The following SLC6A5 variants were observed in gnomAD, a reference collection of about 807,000 sequenced individuals.
The protein encoded by SLC6A5 is sodium- and chloride-dependent glycine transporter 2.
In SLC6A5, 58 loss-of-function variants were observed where a neutral mutation model predicts 90.5. That is an observed-to-expected ratio of 0.64 (90% CI 0.52 to 0.80). The LOEUF (loss-of-function observed/expected upper bound fraction) is 0.80. Among genes scored for constraint, SLC6A5 ranks in the 30% least tolerant of loss-of-function variants. The probability of loss-of-function intolerance (pLI) is 0.00; values close to 1 mark genes in which losing one functional copy is unlikely to be tolerated. For missense variants in SLC6A5, 1,015 were observed against 1,017.6 expected (o/e 1.00, Z 0.03); for synonymous variants, 427 against 401.4 (o/e 1.06, Z -0.76).
chr11:20,628,400 A>G (rs988372284), intron 9 of SLC6A5, among the ~76,000 whole-genome samples: 1 of 152,160 alleles, frequency 6.6e-6, no homozygotes, highest in African/African-American at 2.4e-5. Flanking sequence ...TAGTCTGTGG[A>G]TACAATGGAC....
intron 12 of SLC6A5, 48 bp from the exon 13 acceptor site, chr11:20,638,411 C>T: frequency 8.5e-7 from 1 of 1,180,056 alleles, no homozygotes; most frequent in Non-Finnish European, 1.3e-6. Flanking sequence ...GAAGAGACAG[C>T]CTGGCTTCAG....
Position 20,630,798 on chromosome 11 carries a change from A to G in SLC6A5, c.1607A>G (p.Glu536Gly). 2 of 1,614,196 alleles carry G rather than the reference A, an allele frequency of 1.2e-6. No homozygotes were observed. Among genetic ancestry groups the G allele is most frequent in the Non-Finnish European group, 1.7e-6 (2 of 1,180,016 alleles). ...FMANERKVNI[E>G]NVADQGPGIA... ...GCCAATGAACGCAAAGTCAACATTG[A>G]GAATGTGGCAGACCAAGGTACAGGA... Residue 536 changes from glutamate to glycine, a missense_variant, in exon 10 of 16, where the codon GAG (glutamate) becomes GGG (glycine). Glu to Gly is a moderately conservative substitution (Grantham distance 98). Around this residue, in one of 3 missense-constraint regions of SLC6A5, gnomAD observed 442 missense variants for 494.3 expected, o/e 0.89. Transcript: ENST00000525748.
At chr11:20,641,015 T>C (rs1853303038) in intron 13 of SLC6A5, among the ~76,000 whole-genome samples, 1 of 152,358 alleles carries the variant, frequency 6.6e-6, no homozygotes, top group East Asian at 1.9e-4. Flanking sequence ...ATTTATTAGA[T>C]TGAAACAGTT....
chr11:20,607,404 C>T, intron 4 of SLC6A5, 75 bp from the exon 5 acceptor site: 1 of 1,550,302 alleles, frequency 6.5e-7, no homozygotes, highest in Non-Finnish European at 8.9e-7. Flanking sequence ...GACCTAGGTC[C>T]CCACCCTATG....
intron 13 of SLC6A5, among the ~76,000 whole-genome samples, chr11:20,646,465 A>G (rs1853416991): frequency 1.3e-5 from 2 of 152,192 alleles, no homozygotes; most frequent in Non-Finnish European, 2.9e-5. Flanking sequence ...CACAGTCTTC[A>G]CTGGTTTTGC....
At chr11:20,629,561 G>C (rs914933558) in intron 9 of SLC6A5, among the ~76,000 whole-genome samples, 1 of 151,804 alleles carries the variant, frequency 6.6e-6, no homozygotes, top group African/African-American at 2.4e-5. Flanking sequence ...ATGATATTTC[G>C]GTACATGTAT....
chr11:20,609,713 A>C (rs1288117824), intron 5 of SLC6A5, among the ~76,000 whole-genome samples: 1 of 152,226 alleles, frequency 6.6e-6, no homozygotes, highest in African/African-American at 2.4e-5. Context: ...CTGAATGGCT[A>C]GCTATTGTGA....
At position 20,654,993 on chromosome 11, in the gene SLC6A5, A is replaced by G. The variant is rs926521005; in HGVS notation, c.*125A>G. 4 of 1,019,934 alleles carry G rather than the reference A, an allele frequency of 3.9e-6. No homozygotes were observed. Among genetic ancestry groups the G allele is most frequent in the Non-Finnish European group, 6.2e-6 (4 of 641,140 alleles). 63.2% of individuals were successfully genotyped at this position (1,019,934 alleles called of 1,614,324 possible). A position where few individuals can be genotyped will look rare whatever the true frequency, so the allele number is the denominator to read the frequency against. On this transcript the variant is annotated 3_prime_UTR_variant, in exon 16 of 16. Transcript: ENST00000525748. ...CCTACATCTTGGTTCACATCCACGC[A>G]TGAGAGTGATTATGTAGAAAAGTAG...
chr11:20,650,870 G>A lies in SLC6A5; in HGVS notation c.2071-1419G>A, dbSNP rs550255802. 2.4e-4 allele frequency among the ~76,000 whole-genome samples: 37 copies of A among 152,074 alleles called. No individual in the cohort carries two copies. In the South Asian group the frequency reaches 7.7e-3, roughly 32 times the overall value. On this transcript the variant is annotated intron_variant, in intron 14 of 15. Coordinates refer to ENST00000525748, the MANE Select transcript of SLC6A5 (RefSeq NM_004211.5). Reference sequence around the variant, plus strand: ...TTTAGTAGAGACGGGGTTTCACCGTGTTAGCCAGGATGGTCTCGATCTCCT... The same window carrying A: ...TTTAGTAGAGACGGGGTTTCACCGTATTAGCCAGGATGGTCTCGATCTCCT...
intron 14 of SLC6A5, among the ~76,000 whole-genome samples, chr11:20,651,625 G>A (rs1030007890): frequency 5.9e-5 from 9 of 151,364 alleles, no homozygotes; most frequent in Non-Finnish European, 1.2e-4. Context: ...CAGAAAATAC[G>A]GGCTGGGCAC....
At position 20,599,656 on chromosome 11, in the gene SLC6A5, TGTTGCCTGTGTCAGACATG is replaced by T. The variant is rs777102813; in HGVS notation, c.-14_3+2del. 7.4e-6 allele frequency: 12 copies of T among 1,614,182 alleles called. 1 individual carries two copies. The South Asian group carries it at 1.3e-4, about 18-fold the overall frequency. On this transcript the variant is annotated start_lost and splice_region_variant and 5_prime_UTR_variant, in exon 1 of 16. Coordinates refer to ENST00000525748, the MANE Select transcript of SLC6A5 (RefSeq NM_004211.5). The stretch of plus-strand genomic sequence containing the variant: ...GGTTTCACCCTCCACCAGTTCAGTC[TGTTGCCTGTGTCAGACATG>T]GTGAGTGTTTGCTTTTGTTCTTTCA...
chr11:20,600,569 G>A (rs1852450999), intron 1 of SLC6A5, among the ~76,000 whole-genome samples: 1 of 152,128 alleles, frequency 6.6e-6, no homozygotes, highest in African/African-American at 2.4e-5. Flanking sequence ...TTTTGATCGT[G>A]ATTCTTAACC....
At chr11:20,601,730 G>C in intron 2 of SLC6A5, 65 bp downstream of exon 2, 1 of 1,527,244 alleles carries the variant, frequency 6.5e-7, no homozygotes, top group Non-Finnish European at 8.9e-7. Context: ...GAGGCCAGCC[G>C]GGCCGTGGCG....
rs1025896507 is a variant in SLC6A5 at position 20,656,039 on chromosome 11, T to C, written c.*1171T>C. The C allele has an allele frequency of 6.6e-6, 1 of 152,210 alleles. No homozygotes were observed. The highest frequency in any genetic ancestry group is 2.4e-5 in the African/African-American group (1 of 41,458). 9.4% of individuals were successfully genotyped at this position (152,210 alleles called of 1,614,324 possible). A position where few individuals can be genotyped will look rare whatever the true frequency, so the allele number is the denominator to read the frequency against. On this transcript the variant is annotated 3_prime_UTR_variant, in exon 16 of 16. Transcript: ENST00000525748. ...GTAGCGAGTGAGCCAATTAAGACTATAGCTTTTAAGACTACATTTAGCCAA... is the reference window on the plus strand; with the variant it reads ...GTAGCGAGTGAGCCAATTAAGACTACAGCTTTTAAGACTACATTTAGCCAA...
Position 20,626,787 on chromosome 11 carries a change from G to A in SLC6A5, c.1340G>A (p.Gly447Glu), listed in dbSNP as rs1393019433. 6.2e-7 allele frequency: 1 copy of A among 1,613,978 alleles called. No homozygotes were observed. The highest frequency in any genetic ancestry group is 8.5e-7 in the Non-Finnish European group (1 of 1,179,976). The change falls in exon 8 of 16, where the codon GGA (glycine) becomes GAA (glutamate). Residue 447 changes from glycine (G) to glutamate (E), a missense_variant. Physicochemically the swap from Gly to Glu is moderately conservative, Grantham distance 98 (BLOSUM62 -2). This residue lies in a region of SLC6A5 where 442 missense variants were observed against 494.3 expected (regional missense o/e 0.89). Coordinates refer to ENST00000525748, the MANE Select transcript of SLC6A5 (RefSeq NM_004211.5). ...LIRGVTLPGA[G>E]AGIWYFITPK... is the part of the protein sequence containing the mutation. ...CGAGGAGTCACCCTGCCTGGAGCTGGAGCTGGGATCTGGTACTTCATCACA... is the reference window on the plus strand; with the variant it reads ...CGAGGAGTCACCCTGCCTGGAGCTGAAGCTGGGATCTGGTACTTCATCACA...
At chr11:20,600,345 GA>G (rs1565268959) in intron 1 of SLC6A5, among the ~76,000 whole-genome samples, 8 of 71,346 alleles carry the variant, frequency 1.1e-4, no homozygotes, top group African/African-American at 3.7e-4. Context: ...GGAAGAAGAA[GA>G]AGAAGAAGAA....
intron 14 of SLC6A5, among the ~76,000 whole-genome samples, chr11:20,650,867 C>A (rs536796133): frequency 6.6e-6 from 1 of 151,888 alleles, no homozygotes. Flanking sequence ...GGGGTTTCAC[C>A]GTGTTAGCCA....
intron 5 of SLC6A5, among the ~76,000 whole-genome samples, chr11:20,612,250 A>G (rs547280672): frequency 6.6e-6 from 1 of 152,346 alleles, no homozygotes; most frequent in South Asian, 2.1e-4. Flanking sequence ...AAAAGCTATA[A>G]CAATGATGAT....
chr11:20,614,820 A>T lies in SLC6A5; in HGVS notation c.1127A>T (p.Lys376Met). 6.2e-7 allele frequency: 1 copy of T among 1,612,890 alleles called. No individual in the cohort carries two copies. The highest frequency in any genetic ancestry group is 8.5e-7 in the Non-Finnish European group (1 of 1,178,818). ...TFVSGSEEYF[K>M]YFVLKISAGI... The stretch of plus-strand genomic sequence containing the variant: ...GTCAGTGGAAGTGAAGAGTACTTCA[A>T]GTAAGATGACTTTCTTTTTCCTTTT... Residue 376 changes from lysine (K) to methionine (M), a missense_variant and splice_region_variant, in exon 6 of 16, where the codon AAG (lysine) becomes ATG (methionine). Physicochemically the swap from Lys to Met is moderately conservative, Grantham distance 95 (BLOSUM62 -1). Coordinates refer to ENST00000525748, the MANE Select transcript of SLC6A5 (RefSeq NM_004211.5).
Sources: gnomAD v4.1 joint callset for allele counts (sites outside exome capture counted in the v4.1 genomes callset) on GRCh38, gnomAD v4.1.1 for gene constraint, gnomAD v4.1.1 regional missense constraint, MANE v1.5 for transcripts, NCBI Gene and HGNC (gene_info 2026-07-23, HGNC 2026-07-21) for gene names.